RBM25: variants seen among roughly 807,000 people sequenced by gnomAD.
RBM25 encodes the protein RNA-binding protein 25.
In RBM25, 19 loss-of-function variants were observed where a neutral mutation model predicts 120.7. That is an observed-to-expected ratio of 0.16 (90% CI 0.11 to 0.23). The LOEUF (loss-of-function observed/expected upper bound fraction) is 0.23. Among genes scored for constraint, RBM25 ranks in the 10% least tolerant of loss-of-function variants. The pLI is 1.00. For missense variants in RBM25, 605 were observed against 1,041.5 expected, an observed-to-expected ratio of 0.58 and a Z score of 5.77; for synonymous variants, 390 against 326.7, an observed-to-expected ratio of 1.19 and a Z score of -2.09.
chr14:73,101,385 T>C (rs536307285), intron 9 of RBM25: 36 of 152,246 alleles, frequency 2.4e-4, no homozygotes, highest in African/African-American at 8.2e-4. Flanking sequence ...TTATGATTTT[T>C]TAATCTGTCC....
intron 1 of RBM25, chr14:73,059,477 C>T (rs751446970): frequency 5.9e-5 from 9 of 152,248 alleles, no homozygotes; most frequent in Non-Finnish European, 1.2e-4. Flanking sequence ...AGACGTAGGA[C>T]TATGAAGATT....
chr14:73,084,265 G>C (rs1895633613), intron 5 of RBM25, among the ~76,000 whole-genome samples: 1 of 152,236 alleles, frequency 6.6e-6, no homozygotes, highest in African/African-American at 2.4e-5. Flanking sequence ...ATTGCAACTA[G>C]TTGGCAATTT....
rs1334911205 is a variant in RBM25, at chr14:73,109,228, T to G, written c.1542-114T>G. The G allele has an allele frequency of 4.4e-6, 5 of 1,133,734 alleles. No homozygotes were observed. The East Asian group carries it at 1.2e-4, about 27-fold the overall frequency. 70.2% of individuals were successfully genotyped at this position (1,133,734 alleles called of 1,614,324 possible). Reference sequence around the variant, plus strand: ...TAGATACAGAACATTAAGACATTCTTTAACCTCTTAGCATGCAGGTTGTAA... The same window carrying G: ...TAGATACAGAACATTAAGACATTCTGTAACCTCTTAGCATGCAGGTTGTAA... On this transcript the variant is annotated intron_variant, in intron 13 of 18. Coordinates refer to ENST00000261973, the MANE Select transcript of RBM25 (RefSeq NM_021239.3).
At chr14:73,101,530 A>ATT in intron 9 of RBM25, 1 of 150,856 alleles carries the variant, frequency 6.6e-6, no homozygotes, top group Non-Finnish European at 1.5e-5. Context: ...ATATATATAT[A>ATT]TATCTCATAT....
Position 73,121,302 on chromosome 14 carries a change from G to A in RBM25, c.*1497G>A, listed in dbSNP as rs1896537260. 1 of 152,148 alleles carries A rather than the reference G, an allele frequency of 6.6e-6. No individual in the cohort carries two copies. Among genetic ancestry groups the A allele is most frequent in the Non-Finnish European group, 1.5e-5 (1 of 67,984 alleles). 9.4% of individuals were successfully genotyped at this position (152,148 alleles called of 1,614,324 possible). On this transcript the variant is annotated 3_prime_UTR_variant, in exon 19 of 19. Transcript: ENST00000261973. Reference sequence around the variant, plus strand: ...TGTAAATATTTCAAATATTAAAAATGTATATATTTGATCCTGGGGACTCAT... The same window carrying A: ...TGTAAATATTTCAAATATTAAAAATATATATATTTGATCCTGGGGACTCAT...
intron 18 of RBM25, among the ~76,000 whole-genome samples, chr14:73,117,806 C>T (rs1040012012): frequency 5.9e-5 from 9 of 152,114 alleles, no homozygotes; most frequent in Non-Finnish European, 1.3e-4. Flanking sequence ...CTCTAAATTC[C>T]TACCCCAAAC....
chr14:73,087,594 A>G lies in RBM25; in HGVS notation c.383-407A>G, dbSNP rs373097951. Among the ~76,000 whole-genome samples the G allele has an allele frequency of 1.2e-3, 178 of 151,430 alleles. 1 individual carries two copies. The highest frequency in any genetic ancestry group is 4.2e-3 in the African/African-American group (174 of 41,244). Reference sequence around the variant, plus strand: ...GTATTTTTAGTAGAGACGGGGTTTCACTGTGTTGGCCAGAATGGTCTCGAT... The same window carrying G: ...GTATTTTTAGTAGAGACGGGGTTTCGCTGTGTTGGCCAGAATGGTCTCGAT... On this transcript the variant is annotated intron_variant, in intron 5 of 18. Transcript: ENST00000261973.
intron 10 of RBM25, among the ~76,000 whole-genome samples, chr14:73,105,382 C>T (rs988194771): frequency 1.3e-5 from 2 of 152,198 alleles, no homozygotes; most frequent in Non-Finnish European, 1.5e-5. Context: ...AAAGTTCTAA[C>T]TTAATCCATG....
intron 9 of RBM25, chr14:73,100,655 G>A (rs1896038619): frequency 4.6e-6 from 1 of 217,644 alleles, no homozygotes. Flanking sequence ...TCAGTGAAAT[G>A]TTAAATGTTC....
At chr14:73,103,936 TCTCTCTCTCTCTCACA>T (rs1310244679) in intron 10 of RBM25, among the ~76,000 whole-genome samples, 79 of 50,430 alleles carry the variant, frequency 1.6e-3, no homozygotes, top group African/African-American at 6.2e-3. Flanking sequence ...TCTCTCTCTC[TCTCTCTCTCTCTCACA>T]CACACACACA....
intron 6 of RBM25, among the ~76,000 whole-genome samples, chr14:73,094,108 C>G (rs891987335): frequency 6.6e-6 from 1 of 151,364 alleles, no homozygotes; most frequent in East Asian, 2.0e-4. Context: ...CCCGCCACCA[C>G]GCCTGGCTAA....
intron 13 of RBM25, among the ~76,000 whole-genome samples, chr14:73,108,177 G>A (rs971082335): frequency 1.1e-4 from 16 of 152,144 alleles, no homozygotes; most frequent in Non-Finnish European, 1.6e-4. Context: ...TTGTAAATAG[G>A]TCTGATTTTT....
intron 13 of RBM25, among the ~76,000 whole-genome samples, chr14:73,108,307 C>T (rs1050591447): frequency 1.3e-5 from 2 of 152,184 alleles, no homozygotes; most frequent in South Asian, 2.1e-4. Flanking sequence ...TCTGCAGTCT[C>T]TTGAGTAGGT....
chr14:73,081,108 A>T (rs1594907241), intron 4 of RBM25, among the ~76,000 whole-genome samples: 2 of 151,000 alleles, frequency 1.3e-5, no homozygotes, highest in Admixed American at 1.3e-4. Context: ...TACATGCGTG[A>T]GCCACTGCCT....
chr14:73,073,090 T>A (rs997420287), intron 2 of RBM25, among the ~76,000 whole-genome samples: 2 of 152,036 alleles, frequency 1.3e-5, no homozygotes, highest in African/African-American at 2.4e-5. Context: ...TTAATTAAAA[T>A]TTTTTTAAAA....
Position 73,115,153 on chromosome 14 carries a change from C to CGTGTGTGTGTGTGTGT in RBM25, c.2439+841_2439+856dup, listed in dbSNP as rs33924709. ...ACAAGGATTACTACAGGAACTGATA[C>CGTGTGTGTGTGTGTGT]GTGTGTGTGTGTGTGTGTGTGTGTG... On this transcript the variant is annotated intron_variant, in intron 18 of 18. Coordinates refer to ENST00000261973, the MANE Select transcript of RBM25 (RefSeq NM_021239.3). Among the ~76,000 whole-genome samples, 40 of 146,790 alleles carry CGTGTGTGTGTGTGTGT rather than the reference C, an allele frequency of 2.7e-4. No individual in the cohort carries two copies. The South Asian group carries it at 6.1e-3, about 22-fold the overall frequency.
chr14:73,088,852 C>T (rs902053332), intron 6 of RBM25, among the ~76,000 whole-genome samples: 6 of 152,168 alleles, frequency 3.9e-5, no homozygotes, highest in Non-Finnish European at 7.4e-5. Flanking sequence ...AAATAGAAAT[C>T]GCTTTTTGCT....
chr14:73,083,228 A>AG (rs1331017116), intron 4 of RBM25, among the ~76,000 whole-genome samples: 4 of 152,240 alleles, frequency 2.6e-5, no homozygotes, highest in Non-Finnish European at 4.4e-5. Flanking sequence ...TGTTAGGATA[A>AG]GTAGTGATGC....
rs1896511707 is a variant in RBM25, at chr14:73,119,999, GTTC to G, written c.*196_*198del. 1.6e-5 allele frequency: 12 copies of G among 730,748 alleles called. No homozygotes were observed. The highest frequency in any genetic ancestry group is 4.2e-5 in the South Asian group (2 of 47,298). 45.3% of individuals were successfully genotyped at this position (730,748 alleles called of 1,614,324 possible). On this transcript the variant is annotated 3_prime_UTR_variant, in exon 19 of 19. Transcript: ENST00000261973. Reference sequence around the variant, plus strand: ...GGTTGTAAAGTCATCTGAATCCTTGGTTCTCTTTATACTCACCAGGTACAAATT... The same window carrying G: ...GGTTGTAAAGTCATCTGAATCCTTGGTCTTTATACTCACCAGGTACAAATT...
Sources: gnomAD v4.1 joint callset for allele counts (sites outside exome capture counted in the v4.1 genomes callset) on GRCh38, gnomAD v4.1.1 for gene constraint, MANE v1.5 for transcripts, NCBI Gene and HGNC (gene_info 2026-07-23, HGNC 2026-07-21) for gene names.